The following CA11 variants were observed in gnomAD, a reference collection of about 807,000 sequenced individuals.
The protein encoded by CA11 is carbonic anhydrase-related protein 11.
CA11 carries 20 observed loss-of-function variants against 39.3 expected under a neutral mutation model. That is an observed-to-expected ratio of 0.51 (90% CI 0.36 to 0.74). CA11 has a LOEUF of 0.74. Among genes scored for constraint, CA11 ranks in the 30% least tolerant of loss-of-function variants. The pLI is 0.00. For synonymous variants in CA11, 166 were observed against 172.5 expected (o/e 0.96, Z 0.29); for missense variants, 336 against 424.6 (o/e 0.79, Z 1.83).
chr19:48,640,823 C>T (rs571280985), intron 3 of CA11, among the ~76,000 whole-genome samples: 2 of 151,728 alleles, frequency 1.3e-5, no homozygotes, highest in Non-Finnish European at 2.9e-5. Flanking sequence ...TACAGGCGCC[C>T]GCCACCACAC....
chr19:48,639,219 A>G (rs1371513481), intron 7 of CA11, 86 bp downstream of exon 7: 2 of 1,559,526 alleles, frequency 1.3e-6, no homozygotes, highest in Admixed American at 3.5e-5. Context: ...GTCTATGAGG[A>G]GAGGGAGGGC....
intron 3 of CA11, 87 bp from the exon 4 acceptor site, chr19:48,640,367 CTTTTTTTTTTT>C (rs11372081): frequency 6.3e-4 from 206 of 324,776 alleles, no homozygotes; most frequent in South Asian, 4.1e-3. Context: ...TTCCAACAGT[CTTTTTTTTTTT>C]TTTTTTTTTT....
At position 48,639,395 on chromosome 19, in the gene CA11, G is replaced by T. The variant is rs779871913; in HGVS notation, c.705C>A (p.Ile235=). The change falls in exon 7 of 9, where the codon ATC becomes ATA. Residue 235 remains isoleucine, a synonymous_variant. Coordinates refer to ENST00000084798, the MANE Select transcript of CA11 (RefSeq NM_001217.5). ...ELLFPESFGF[I]TYQGSLSTPP... Reference sequence around the variant, plus strand: ...GGGTGCTGAGAGAGCCCTGATAGGTGATGAAGCCGAAGGATTCAGGGAACA... The same window carrying T: ...GGGTGCTGAGAGAGCCCTGATAGGTTATGAAGCCGAAGGATTCAGGGAACA... The T allele has an allele frequency of 6.2e-7, 1 of 1,613,860 alleles. No individual in the cohort carries two copies. The highest frequency in any genetic ancestry group is 2.2e-5 in the East Asian group (1 of 44,876).
Position 48,638,118 on chromosome 19 carries a change from C to G in CA11, c.*1G>C, listed in dbSNP as rs922536041. 7.2e-7 allele frequency: 1 copy of G among 1,397,090 alleles called. No homozygotes were observed. The highest frequency in any genetic ancestry group is 1.5e-5 in the African/African-American group (1 of 65,864). 86.5% of individuals were successfully genotyped at this position (1,397,090 alleles called of 1,614,324 possible). On this transcript the variant is annotated 3_prime_UTR_variant, in exon 9 of 9. Transcript: ENST00000084798. The stretch of plus-strand genomic sequence containing the variant: ...GCGGGTGCAATCCTCGAAGGGGAGT[C>G]TCAGCGACCATGGGGGACACCATCC...
chr19:48,638,200 G>T (rs1043878718), intron 8 of CA11, 56 bp from the exon 9 acceptor site: 2 of 1,180,066 alleles, frequency 1.7e-6, no homozygotes, highest in African/African-American at 1.6e-5. Flanking sequence ...AGGGGCGGGG[G>T]GTGTGCAGGG....
intron 8 of CA11, 53 bp from the exon 9 acceptor site, chr19:48,638,197 G>T: frequency 3.4e-6 from 4 of 1,186,524 alleles, no homozygotes; most frequent in Non-Finnish European, 3.2e-6. Context: ...GGAAGGGGCG[G>T]GGGGTGTGCA....
rs2031152867 is a variant in CA11, at chr19:48,643,521, T to TC, written c.285+905_285+906insG. 6.6e-6 allele frequency among the ~76,000 whole-genome samples: 1 copy of TC among 152,094 alleles called. No homozygotes were observed. The highest frequency in any genetic ancestry group is 6.6e-5 in the Admixed American group (1 of 15,262). On this transcript the variant is annotated intron_variant, in intron 3 of 8. Coordinates refer to ENST00000084798, the MANE Select transcript of CA11 (RefSeq NM_001217.5). The surrounding 1 kb of genome is among the most constrained non-coding windows in gnomAD (Gnocchi z 4.3). The stretch of plus-strand genomic sequence containing the variant: ...CCACACCCAGGCATGTCCTAGCTAT[T>TC]TTTGAGGCTGAGGTAGGAAGATCAC...
rs2030894343 is a variant in CA11 at position 48,638,047 on chromosome 19, T to C, written c.*72A>G. 8.7e-7 allele frequency: 1 copy of C among 1,144,882 alleles called. No homozygotes were observed. Among genetic ancestry groups the C allele is most frequent in the Admixed American group, 3.5e-5 (1 of 28,474 alleles). 70.9% of individuals were successfully genotyped at this position (1,144,882 alleles called of 1,614,324 possible). On this transcript the variant is annotated 3_prime_UTR_variant, in exon 9 of 9. Transcript: ENST00000084798. Reference sequence around the variant, plus strand: ...AAGTATTCTGTCCCTTTAATAGCTTTGTTTTAGGGGTAACTCCCCTCGCCT... The same window carrying C: ...AAGTATTCTGTCCCTTTAATAGCTTCGTTTTAGGGGTAACTCCCCTCGCCT...
intron 3 of CA11, among the ~76,000 whole-genome samples, chr19:48,641,197 C>A (rs1181916142): frequency 2.0e-5 from 3 of 151,522 alleles, no homozygotes; most frequent in Non-Finnish European, 2.9e-5. Flanking sequence ...CCAGGCTGGT[C>A]TCAAACTCCT....
chr19:48,638,244 G>A, intron 8 of CA11, 100 bp from the exon 9 acceptor site: 15 of 1,202,032 alleles, frequency 1.2e-5, no homozygotes, highest in Non-Finnish European at 1.6e-5. Flanking sequence ...CCCTACCGTC[G>A]GAAGTCTGCG....
rs1373942641 is a variant in CA11 at position 48,645,901 on chromosome 19, T to C, written c.-269A>G. 3.8e-5 allele frequency: 19 copies of C among 494,094 alleles called. No individual in the cohort carries two copies. In the South Asian group the frequency reaches 6.7e-4, roughly 17 times the overall value. 30.6% of individuals were successfully genotyped at this position (494,094 alleles called of 1,614,324 possible). A position where few individuals can be genotyped will look rare whatever the true frequency, so the allele number is the denominator to read the frequency against. ...TCCAGTCTCCCTCTAGCTCCTGATC[T>C]TCCTACTCCTCTCAGCCTTCTGCTG... is the stretch of plus-strand genomic sequence containing the variant. On this transcript the variant is annotated 5_prime_UTR_variant, in exon 1 of 9. Transcript: ENST00000084798.
rs994345012 is a variant in CA11 at position 48,643,643 on chromosome 19, A to C, written c.285+784T>G. On this transcript the variant is annotated intron_variant, in intron 3 of 8. Transcript: ENST00000084798. This position sits in a 1 kb window ranked among gnomAD's most constrained non-coding sequence, Gnocchi z 4.3. Reference sequence around the variant, plus strand: ...AGATCCCAATTCCAAAAAAAAAAAAAAAAAGTATGGTTCCCAGCATGGTAC... The same window carrying C: ...AGATCCCAATTCCAAAAAAAAAAAACAAAAGTATGGTTCCCAGCATGGTAC... Among the ~76,000 whole-genome samples the C allele has an allele frequency of 6.6e-6, 1 of 152,030 alleles. No homozygotes were observed. Among genetic ancestry groups the C allele is most frequent in the African/African-American group, 2.4e-5 (1 of 41,380 alleles).
intron 3 of CA11, among the ~76,000 whole-genome samples, chr19:48,641,653 T>A (rs1479077878): frequency 6.6e-6 from 1 of 151,894 alleles, no homozygotes; most frequent in Non-Finnish European, 1.5e-5. Context: ...TTTTATTTAT[T>A]TATTATTTTG....
chr19:48,639,581 T>C lies in CA11; in HGVS notation c.608A>G (p.Asn203Ser), dbSNP rs1294654652. The change falls in exon 6 of 9, where the codon AAC becomes AGC. Residue 203 changes from asparagine (N) to serine (S), a missense_variant. Transcript: ENST00000084798. The part of the protein sequence containing the change: ...TSNPFLSRLL[N>S]RDTITRISYK... ...GGAGATGCGAGTGATGGTGTCGCGGTTAAGGAGGCGACTGAGGAATGGGTT... is the reference window on the plus strand; with the variant it reads ...GGAGATGCGAGTGATGGTGTCGCGGCTAAGGAGGCGACTGAGGAATGGGTT... 1.2e-6 allele frequency: 2 copies of C among 1,613,692 alleles called. No individual in the cohort carries two copies. Among genetic ancestry groups the C allele is most frequent in the East Asian group, 2.2e-5 (1 of 44,840 alleles).
rs1265399653 is a variant in CA11, at chr19:48,639,769, G to A, written c.567+19C>T. ...AGGCACCCAACTGCTCCCTCCCTCTGAATCTCGCCTCCGCTCACGTTGACA... is the reference window on the plus strand; with the variant it reads ...AGGCACCCAACTGCTCCCTCCCTCTAAATCTCGCCTCCGCTCACGTTGACA... On this transcript the variant is annotated intron_variant, in intron 5 of 8. Coordinates refer to ENST00000084798, the MANE Select transcript of CA11 (RefSeq NM_001217.5). The A allele has an allele frequency of 6.2e-7, 1 of 1,611,612 alleles. No homozygotes were observed. Among genetic ancestry groups the A allele is most frequent in the Admixed American group, 1.7e-5 (1 of 59,970 alleles).
At chr19:48,641,724 AG>A (rs2031090194) in intron 3 of CA11, among the ~76,000 whole-genome samples, 1 of 151,986 alleles carries the variant, frequency 6.6e-6, no homozygotes, top group African/African-American at 2.4e-5. Flanking sequence ...AGCTCACTGC[AG>A]CCTCAAACTC....
intron 5 of CA11, 39 bp downstream of exon 5, chr19:48,639,749 C>T (rs1215079381): frequency 6.2e-6 from 10 of 1,601,828 alleles, no homozygotes; most frequent in Non-Finnish European, 7.7e-6. Context: ...GTTCCAGGCA[C>T]CCAACTGCTC....
chr19:48,644,305 T>C lies in CA11; in HGVS notation c.285+122A>G. 3 of 847,616 alleles carry C rather than the reference T, an allele frequency of 3.5e-6. No homozygotes were observed. In the African/African-American group the frequency reaches 5.1e-5, roughly 14 times the overall value. 52.5% of individuals were successfully genotyped at this position (847,616 alleles called of 1,614,324 possible). A position where few individuals can be genotyped will look rare whatever the true frequency, so the allele number is the denominator to read the frequency against. On this transcript the variant is annotated intron_variant, in intron 3 of 8. Coordinates refer to ENST00000084798, the MANE Select transcript of CA11 (RefSeq NM_001217.5). ...ATTTTACAGTGTAAGCAGCCTCCTCTCCACCCACTGGGTGTCCCCTCCTCC... is the reference window on the plus strand; with the variant it reads ...ATTTTACAGTGTAAGCAGCCTCCTCCCCACCCACTGGGTGTCCCCTCCTCC...
Position 48,645,905 on chromosome 19 carries a change from T to C in CA11, c.-273A>G, listed in dbSNP as rs1160957879. The C allele has an allele frequency of 4.1e-6, 2 of 493,796 alleles. No homozygotes were observed. The highest frequency in any genetic ancestry group is 4.0e-5 in the African/African-American group (2 of 49,544). 30.6% of individuals were successfully genotyped at this position (493,796 alleles called of 1,614,324 possible). On this transcript the variant is annotated 5_prime_UTR_variant, in exon 1 of 9. Coordinates refer to ENST00000084798, the MANE Select transcript of CA11 (RefSeq NM_001217.5). ...GTCTCCCTCTAGCTCCTGATCTTCC[T>C]ACTCCTCTCAGCCTTCTGCTGCCCC...
Sources: gnomAD v4.1 joint callset for allele counts (sites outside exome capture counted in the v4.1 genomes callset) on GRCh38, gnomAD v4.1.1 for gene constraint, Gnocchi (gnomAD v3.1) non-coding constraint, MANE v1.5 for transcripts, NCBI Gene and HGNC (gene_info 2026-07-23, HGNC 2026-07-21) for gene names.